NHS: variants seen among roughly 807,000 people sequenced by gnomAD.
NHS encodes the protein NHS actin remodeling regulator.
NHS carries 5 observed loss-of-function variants against 72.5 expected under a neutral mutation model. The ratio of observed to expected loss-of-function variants is 0.07; its 90% CI spans 0.04 to 0.14. The LOEUF is 0.14. NHS is among the 10% of genes least tolerant of loss of function. The probability of loss-of-function intolerance (pLI) is 1.00; values close to 1 mark genes in which losing one functional copy is unlikely to be tolerated. For missense variants in NHS, 1,072 were observed against 1,355.7 expected (o/e 0.79, Z 3.29); for synonymous variants, 464 against 547.7 (o/e 0.85, Z 2.13).
At chrX:17,499,211 C>T in intron 1 of NHS, among the ~76,000 whole-genome samples, 1 of 110,900 alleles carries the variant, frequency 9.0e-6, no homozygotes, top group Non-Finnish European at 1.9e-5. Flanking sequence ...GGCTAGGATA[C>T]TCCAGGAATC....
At chrX:17,672,521 T>A (rs755079250) in intron 1 of NHS, among the ~76,000 whole-genome samples, 5 of 112,766 alleles carry the variant, frequency 4.4e-5, no homozygotes, top group African/African-American at 6.4e-5. Flanking sequence ...TGGTGACCAG[T>A]GAAGCCAGAT....
chrX:17,455,136 C>G (rs1406418373), intron 1 of NHS, among the ~76,000 whole-genome samples: 3 of 111,752 alleles, frequency 2.7e-5, no homozygotes, highest in Non-Finnish European at 5.6e-5. Flanking sequence ...TTCCCCTCTA[C>G]TACTTTTGTC....
At chrX:17,449,220 G>T (rs2064795579) in intron 1 of NHS, among the ~76,000 whole-genome samples, 2 of 113,339 alleles carry the variant, frequency 1.8e-5, no homozygotes, top group Admixed American at 1.9e-4. Context: ...TCAGCTCATT[G>T]CCCCATGGCA....
At chrX:17,526,886 T>C (rs746371173) in intron 1 of NHS, among the ~76,000 whole-genome samples, 1 of 112,819 alleles carries the variant, frequency 8.9e-6, no homozygotes, top group African/African-American at 3.2e-5. Flanking sequence ...CATATGTCAC[T>C]TGAGGTCCTC....
At chrX:17,498,816 A>C (rs1274558062) in intron 1 of NHS, among the ~76,000 whole-genome samples, 1 of 111,572 alleles carries the variant, frequency 9.0e-6, no homozygotes, top group Non-Finnish European at 1.9e-5. Flanking sequence ...TCTAGCCATG[A>C]TGTCCTCTCT....
At chrX:17,416,817 T>TGAGA (rs200059679) in intron 1 of NHS, among the ~76,000 whole-genome samples, 16 of 103,431 alleles carry the variant, frequency 1.5e-4, no homozygotes, top group African/African-American at 5.0e-4. Context: ...TGTGTGTGTG[T>TGAGA]GTGAGAGAGA....
chrX:17,502,453 A>G, intron 1 of NHS, among the ~76,000 whole-genome samples: 1 of 112,079 alleles, frequency 8.9e-6, no homozygotes, highest in East Asian at 2.8e-4. Flanking sequence ...CTGCCAGCAC[A>G]AGGCAAGTAA....
chrX:17,382,019 T>C (rs781537701), intron 1 of NHS, among the ~76,000 whole-genome samples: 28 of 112,681 alleles, frequency 2.5e-4, no homozygotes, highest in African/African-American at 8.4e-4. Context: ...CTTGTGAGAC[T>C]GAACACCATT....
intron 3 of NHS, among the ~76,000 whole-genome samples, chrX:17,708,270 G>T (rs966133921): frequency 1.8e-5 from 2 of 111,633 alleles, no homozygotes; most frequent in African/African-American, 6.5e-5. Context: ...CAACTCTCCA[G>T]ACTTTCTACA....
intron 1 of NHS, among the ~76,000 whole-genome samples, chrX:17,572,927 G>A (rs112976288): frequency 7.4e-4 from 82 of 110,899 alleles, no homozygotes; most frequent in African/African-American, 2.4e-3. Flanking sequence ...TTATTTCTCC[G>A]TCACTTATGA....
At chrX:17,646,216 A>G (rs1463322359) in intron 1 of NHS, among the ~76,000 whole-genome samples, 3 of 112,016 alleles carry the variant, frequency 2.7e-5, no homozygotes, top group African/African-American at 9.8e-5. Flanking sequence ...CGCTGGGATT[A>G]CAGGCATGAG....
At chrX:17,692,636 C>T (rs1186213270) in intron 3 of NHS, among the ~76,000 whole-genome samples, 168 bp downstream of exon 3, 1 of 111,336 alleles carries the variant, frequency 9.0e-6, no homozygotes, top group Admixed American at 9.6e-5. Flanking sequence ...CTGAAAGAAA[C>T]GCCTCTTTTT....
At chrX:17,500,839 T>G (rs769718038) in intron 1 of NHS, among the ~76,000 whole-genome samples, 2 of 111,734 alleles carry the variant, frequency 1.8e-5, no homozygotes, top group Admixed American at 9.5e-5. Context: ...CTTTCTTAGT[T>G]GAGTCCCTTA....
At chrX:17,389,846 C>A (rs1206595771) in intron 1 of NHS, among the ~76,000 whole-genome samples, 8 of 110,609 alleles carry the variant, frequency 7.2e-5, no homozygotes, top group African/African-American at 2.6e-4. Context: ...AAGTGATCTG[C>A]CCGCCTCGGC....
intron 1 of NHS, among the ~76,000 whole-genome samples, chrX:17,528,029 A>G (rs2065181313): frequency 9.0e-6 from 1 of 111,066 alleles, no homozygotes. Context: ...CCCCAAATTA[A>G]TTGGTGTCTG....
intron 1 of NHS, among the ~76,000 whole-genome samples, chrX:17,492,417 G>A (rs1240358911): frequency 3.6e-5 from 4 of 112,251 alleles, no homozygotes; most frequent in Non-Finnish European, 7.5e-5. Flanking sequence ...GGAGCAGGTT[G>A]TTCAGTTTCT....
chrX:17,596,997 C>A (rs2065626766), intron 1 of NHS, among the ~76,000 whole-genome samples: 1 of 111,062 alleles, frequency 9.0e-6, no homozygotes, highest in African/African-American at 3.3e-5. Flanking sequence ...GCCCCACTAA[C>A]ATGCAAGGGA....
intron 1 of NHS, among the ~76,000 whole-genome samples, chrX:17,390,151 C>T (rs2064436437): frequency 9.0e-6 from 1 of 111,603 alleles, no homozygotes; most frequent in African/African-American, 3.3e-5. Context: ...AGTTCAGTTA[C>T]TCTTGATTTT....
At chrX:17,587,278 G>GT (rs1274374549) in intron 1 of NHS, 1 of 112,129 alleles carries the variant, frequency 8.9e-6, no homozygotes, top group East Asian at 2.8e-4. Context: ...TAAAAACCAC[G>GT]TAACACCACC....
Sources: gnomAD v4.1 joint callset for allele counts (sites outside exome capture counted in the v4.1 genomes callset) on GRCh38, gnomAD v4.1.1 for gene constraint, MANE v1.5 for transcripts, NCBI Gene and HGNC (gene_info 2026-07-23, HGNC 2026-07-21) for gene names.